The following RBFOX1 variants were observed in gnomAD, a reference collection of about 807,000 sequenced individuals.
RBFOX1 encodes RNA binding protein fox-1 homolog 1.
Under a neutral mutation model 57.7 loss-of-function variants are expected in RBFOX1, and 8 were observed. The observed-to-expected ratio is 0.14, with a 90% confidence interval of 0.08 to 0.25. The LOEUF is 0.25. RBFOX1 is among the 10% of genes least tolerant of loss of function. RBFOX1 has a pLI of 1.00. For synonymous variants in RBFOX1, 326 were observed against 222.4 expected (o/e 1.47, Z -4.15); for missense variants, 611 against 548.5 (o/e 1.11, Z -1.14).
intron 4 of RBFOX1, among the ~76,000 whole-genome samples, chr16:7,506,438 G>T (rs1049804052): frequency 6.6e-6 from 1 of 152,098 alleles, no homozygotes; most frequent in African/African-American, 2.4e-5. Flanking sequence ...GTTAAATGAG[G>T]TAATGTAGGC....
chr16:6,894,138 G>C (rs1297100005), intron 3 of RBFOX1, among the ~76,000 whole-genome samples: 1 of 152,202 alleles, frequency 6.6e-6, no homozygotes, highest in Non-Finnish European at 1.5e-5. Flanking sequence ...GACAGAGATA[G>C]AATGATCTAT....
At chr16:6,448,967 C>T (rs565019587) in intron 2 of RBFOX1, among the ~76,000 whole-genome samples, 73 of 152,264 alleles carry the variant, frequency 4.8e-4, no homozygotes, top group African/African-American at 1.7e-3. Flanking sequence ...AAACTAATTT[C>T]AGCAGATGTG....
intron 1 of RBFOX1, among the ~76,000 whole-genome samples, chr16:5,384,631 G>A (rs1014221169): frequency 6.6e-6 from 1 of 152,194 alleles, no homozygotes; most frequent in African/African-American, 2.4e-5. Flanking sequence ...TTGAGCAGAA[G>A]AAGTAGTTGA....
intron 2 of RBFOX1, among the ~76,000 whole-genome samples, chr16:6,510,221 G>C (rs889382286): frequency 6.6e-6 from 1 of 152,142 alleles, no homozygotes; most frequent in Non-Finnish European, 1.5e-5. Context: ...TTTGTCTCAT[G>C]TGGCTGGCAT....
At chr16:6,897,031 C>T (rs1028068548) in intron 3 of RBFOX1, among the ~76,000 whole-genome samples, 2 of 152,128 alleles carry the variant, frequency 1.3e-5, no homozygotes, top group African/African-American at 4.8e-5. Context: ...GCTCCCTGTG[C>T]CCAGACCTGA....
chr16:6,076,771 G>C (rs947184568), intron 1 of RBFOX1, among the ~76,000 whole-genome samples: 2 of 152,158 alleles, frequency 1.3e-5, no homozygotes, highest in Non-Finnish European at 2.9e-5. Flanking sequence ...TAGATGAAAT[G>C]GGACAGATGG....
At chr16:6,164,770 A>C (rs759150674) in intron 1 of RBFOX1, among the ~76,000 whole-genome samples, 1 of 152,050 alleles carries the variant, frequency 6.6e-6, no homozygotes, top group Non-Finnish European at 1.5e-5. Context: ...TGCCCAGCCT[A>C]TATGGAAATA....
At chr16:6,988,804 G>A (rs900009237) in intron 3 of RBFOX1, among the ~76,000 whole-genome samples, 1 of 144,708 alleles carries the variant, frequency 6.9e-6, no homozygotes. Flanking sequence ...ATGGAGTCTT[G>A]CTCATTGCCC....
chr16:5,242,179 A>C (rs567998540), intron 1 of RBFOX1, among the ~76,000 whole-genome samples: 23 of 152,280 alleles, frequency 1.5e-4, no homozygotes, highest in African/African-American at 5.5e-4. Context: ...TCTCCATTAA[A>C]ATGCTTTCTG....
intron 1 of RBFOX1, among the ~76,000 whole-genome samples, chr16:5,383,497 C>T (rs1034920987): frequency 1.3e-5 from 2 of 152,194 alleles, no homozygotes; most frequent in African/African-American, 2.4e-5. Context: ...CTATGCAAAA[C>T]ACTAGTTGAA....
intron 3 of RBFOX1, among the ~76,000 whole-genome samples, chr16:5,614,652 C>G (rs1021219414): frequency 2.0e-5 from 3 of 152,160 alleles, no homozygotes; most frequent in African/African-American, 2.4e-5. Context: ...GAAACACTTT[C>G]ATTTTCCAGT....
In RBFOX1 at chr16:7,108,032, G is replaced by T. The variant is rs146623010; in HGVS notation, c.27+55934G>T. Among the ~76,000 whole-genome samples, 212 of 151,868 alleles carry T rather than the reference G, an allele frequency of 1.4e-3. 1 individual carries two copies. The highest frequency in any genetic ancestry group is 4.3e-3 in the African/African-American group (179 of 41,410). On this transcript the variant is annotated intron_variant, in intron 4 of 15. Coordinates refer to ENST00000550418, the MANE Select transcript of RBFOX1 (RefSeq NM_018723.4). ...AGTGACATAAGATTGGGGGGGAGAG[G>T]GTAGAGAGGTGAAAGGATGAATCAA...
intron 4 of RBFOX1, among the ~76,000 whole-genome samples, chr16:7,205,481 C>G (rs988391079): frequency 6.7e-6 from 1 of 150,266 alleles, no homozygotes; most frequent in East Asian, 1.9e-4. Flanking sequence ...CCATTGCACT[C>G]CAGCCTGGGT....
At chr16:5,991,016 T>G (rs1470511140) in intron 4 of RBFOX1, among the ~76,000 whole-genome samples, 1 of 152,088 alleles carries the variant, frequency 6.6e-6, no homozygotes, top group African/African-American at 2.4e-5. Context: ...CCCATCAAGG[T>G]TCTCATGAAA....
intron 4 of RBFOX1, among the ~76,000 whole-genome samples, chr16:6,013,550 A>G (rs990617659): frequency 3.3e-5 from 5 of 152,160 alleles, no homozygotes; most frequent in African/African-American, 4.8e-5. Context: ...AAGCTGTATC[A>G]TGATTTATGT....
intron 4 of RBFOX1, among the ~76,000 whole-genome samples, chr16:7,317,040 A>C (rs2096457370): frequency 6.6e-6 from 1 of 151,952 alleles, no homozygotes; most frequent in Non-Finnish European, 1.5e-5. Context: ...GACCATATTT[A>C]GCCTTTTTAC....
intron 3 of RBFOX1, among the ~76,000 whole-genome samples, chr16:7,014,757 C>T (rs1184986552): frequency 6.6e-6 from 1 of 152,162 alleles, no homozygotes; most frequent in African/African-American, 2.4e-5. Flanking sequence ...TGGAGTCTCG[C>T]TCTGTCACCC....
rs186252742 is a variant in RBFOX1 at position 7,345,947 on chromosome 16, A to G, written c.28-172200A>G. ...CACCCATTAACTCGTCATTTACATTAGGTATATCTCCTAATGCTATCCCTC... is the reference window on the plus strand; with the variant it reads ...CACCCATTAACTCGTCATTTACATTGGGTATATCTCCTAATGCTATCCCTC... On this transcript the variant is annotated intron_variant, in intron 4 of 15. Coordinates refer to ENST00000550418, the MANE Select transcript of RBFOX1 (RefSeq NM_018723.4). Among the ~76,000 whole-genome samples, 28 of 152,198 alleles carry G rather than the reference A, an allele frequency of 1.8e-4. 1 individual carries two copies. Among genetic ancestry groups the G allele is most frequent in the African/African-American group, 6.5e-4 (27 of 41,522 alleles).
At chr16:6,273,458 C>T (rs753217560) in intron 1 of RBFOX1, among the ~76,000 whole-genome samples, 2 of 149,872 alleles carry the variant, frequency 1.3e-5, no homozygotes, top group African/African-American at 2.4e-5. Flanking sequence ...GATTCTCCTG[C>T]CTCAGCCTCC....
Sources: allele counts gnomAD v4.1 joint callset (sites outside exome capture counted in the v4.1 genomes callset), GRCh38; gene constraint gnomAD v4.1.1; transcripts MANE v1.5; gene names NCBI Gene and HGNC (gene_info 2026-07-23, HGNC 2026-07-21).